NEK1: variants seen among roughly 807,000 people sequenced by gnomAD.
NEK1 encodes the protein serine/threonine-protein kinase Nek1.
In NEK1, 137 loss-of-function variants were observed where a neutral mutation model predicts 182.1. The observed-to-expected ratio is 0.75, with a 90% CI of 0.65 to 0.87. The LOEUF is 0.87. Ranked by LOEUF, NEK1 falls within the 40% of genes least tolerant of loss-of-function variation. NEK1 has a pLI of 0.00. For missense variants in NEK1, 1,391 were observed against 1,494.4 expected, an observed-to-expected ratio of 0.93 and a Z score of 1.14; for synonymous variants, 513 against 492.2, an observed-to-expected ratio of 1.04 and a Z score of -0.56.
intron 19 of NEK1, among the ~76,000 whole-genome samples, chr4:169,513,752 G>A (rs1305876666): frequency 6.6e-6 from 1 of 152,004 alleles, no homozygotes; most frequent in African/African-American, 2.4e-5. Context: ...CTAGTGTGCT[G>A]ACAGTTATTA....
rs80153976 is a variant in NEK1 at position 169,550,804 on chromosome 4, C to T, written c.1562+4916G>A. On this transcript the variant is annotated intron_variant, in intron 18 of 35. Transcript: ENST00000507142. ...CACATATTTTCTCCCTAAAGCACAT[C>T]GCTGCCTTTTGACATTTCAGCACTA... Among the ~76,000 whole-genome samples, 1,464 of 152,258 alleles carry T rather than the reference C, an allele frequency of 9.6e-3. 17 individuals are homozygous for T. The highest frequency in any genetic ancestry group is 0.033 in the African/African-American group (1,386 of 41,544).
At chr4:169,461,780 T>C (rs943726394) in intron 27 of NEK1, among the ~76,000 whole-genome samples, 2 of 152,184 alleles carry the variant, frequency 1.3e-5, no homozygotes, top group Non-Finnish European at 2.9e-5. Context: ...CTTTTTATTC[T>C]TGTCCTTTTC....
At chr4:169,439,440 G>T (rs759476386) in intron 27 of NEK1, among the ~76,000 whole-genome samples, 7 of 152,136 alleles carry the variant, frequency 4.6e-5, no homozygotes, top group Non-Finnish European at 1.0e-4. Context: ...CTATAGTGTT[G>T]CAAATGTTTC....
intron 23 of NEK1, among the ~76,000 whole-genome samples, chr4:169,493,208 G>GC (rs1750451938): frequency 1.3e-5 from 2 of 152,018 alleles, no homozygotes. Context: ...TGGAGCTTTG[G>GC]CCCCCTAAAA....
At chr4:169,500,245 G>A (rs1183616720) in intron 23 of NEK1, among the ~76,000 whole-genome samples, 1 of 152,164 alleles carries the variant, frequency 6.6e-6, no homozygotes, top group Non-Finnish European at 1.5e-5. Flanking sequence ...TAAGACCGTT[G>A]GAAAATCGCA....
At chr4:169,611,445 TA>T (rs1273759275) in intron 2 of NEK1, among the ~76,000 whole-genome samples, 2 of 152,092 alleles carry the variant, frequency 1.3e-5, no homozygotes, top group East Asian at 1.9e-4. Flanking sequence ...TGCTGCATCA[TA>T]AAAAAAGGTC....
chr4:169,457,450 A>G (rs1396798567), intron 27 of NEK1, among the ~76,000 whole-genome samples: 7 of 149,680 alleles, frequency 4.7e-5, no homozygotes, highest in African/African-American at 9.8e-5. Context: ...AAGACTGGAG[A>G]AAAAAAAACA....
chr4:169,512,424 T>A (rs1309199571), intron 19 of NEK1, among the ~76,000 whole-genome samples: 3 of 152,146 alleles, frequency 2.0e-5, no homozygotes, highest in Non-Finnish European at 2.9e-5. Context: ...GGTGAAATGT[T>A]TTGTATAAAT....
intron 31 of NEK1, among the ~76,000 whole-genome samples, chr4:169,417,858 G>A (rs973062322): frequency 6.6e-6 from 1 of 152,196 alleles, no homozygotes; most frequent in Non-Finnish European, 1.5e-5. Flanking sequence ...CTTTCTGCCT[G>A]GAGAAAATAT....
intron 5 of NEK1, among the ~76,000 whole-genome samples, chr4:169,595,185 TAAG>T (rs1769231664): frequency 6.6e-6 from 1 of 152,156 alleles, no homozygotes; most frequent in African/African-American, 2.4e-5. Context: ...TTTTTGTACA[TAAG>T]CTGACAAACA....
At chr4:169,545,455 G>C (rs1227056505) in intron 18 of NEK1, among the ~76,000 whole-genome samples, 1 of 149,810 alleles carries the variant, frequency 6.7e-6, no homozygotes, top group Non-Finnish European at 1.5e-5. Flanking sequence ...TATCATTGTT[G>C]GACATTTGGG....
chr4:169,470,670 G>C, intron 26 of NEK1, among the ~76,000 whole-genome samples: 1 of 152,210 alleles, frequency 6.6e-6, no homozygotes, highest in African/African-American at 2.4e-5. Flanking sequence ...GGTCTGCCTT[G>C]CTAGGTTGGG....
At position 169,555,847 on chromosome 4, in the gene NEK1, T is replaced by C. The variant is rs1355243259; in HGVS notation, c.1435A>G (p.Ile479Val). 5 of 1,613,812 alleles carry C rather than the reference T, an allele frequency of 3.1e-6. No homozygotes were observed. The highest frequency in any genetic ancestry group is 2.7e-5 in the African/African-American group (2 of 74,920). ...AATCCTGGACGAACTCCAGGCAGAA[T>C]TCCTCTGTAGATAAATATGCACAGT... ...IYGRGLPERG[I>V]LPGVRPGFPY... Residue 479 changes from isoleucine to valine, a missense_variant, in exon 18 of 36, where the codon ATT (isoleucine) becomes GTT (valine). Around this residue, in one of 5 missense-constraint regions of NEK1, gnomAD observed 1,216 missense variants for 1,277.6 expected, o/e 0.95. Coordinates refer to ENST00000507142, the MANE Select transcript of NEK1 (RefSeq NM_001199397.3).
intron 19 of NEK1, among the ~76,000 whole-genome samples, chr4:169,530,055 T>C (rs1043078710): frequency 1.3e-5 from 2 of 152,170 alleles, no homozygotes; most frequent in Non-Finnish European, 2.9e-5. Flanking sequence ...ATTTATCCTA[T>C]GGAAATAAAT....
intron 19 of NEK1, among the ~76,000 whole-genome samples, chr4:169,511,786 T>A (rs947316824): frequency 2.0e-5 from 3 of 152,122 alleles, no homozygotes; most frequent in African/African-American, 7.2e-5. Flanking sequence ...ACTACCTCCA[T>A]CCCTAACCCA....
chr4:169,592,505 C>T (rs1032408410), intron 5 of NEK1, among the ~76,000 whole-genome samples: 2 of 151,836 alleles, frequency 1.3e-5, no homozygotes, highest in Non-Finnish European at 2.9e-5. Flanking sequence ...ATATTCCATA[C>T]CTGAATCTAT....
At chr4:169,604,883 A>C (rs982882670) in intron 2 of NEK1, among the ~76,000 whole-genome samples, 2 of 152,244 alleles carry the variant, frequency 1.3e-5, no homozygotes, top group African/African-American at 2.4e-5. Flanking sequence ...TTTTAGCATC[A>C]GTGAGTTAAA....
intron 11 of NEK1, among the ~76,000 whole-genome samples, chr4:169,580,239 G>A (rs1314363152): frequency 6.6e-6 from 1 of 152,144 alleles, no homozygotes; most frequent in Non-Finnish European, 1.5e-5. Flanking sequence ...GCTCACGCCT[G>A]TAATCTCAGC....
intron 6 of NEK1, among the ~76,000 whole-genome samples, chr4:169,590,107 A>G (rs905633012): frequency 6.6e-6 from 1 of 152,174 alleles, no homozygotes; most frequent in Non-Finnish European, 1.5e-5. Context: ...CAGGAGTTCA[A>G]GATCAGCCTG....
Sources: allele counts gnomAD v4.1 joint callset (sites outside exome capture counted in the v4.1 genomes callset), GRCh38; gene constraint gnomAD v4.1.1; regional missense constraint gnomAD v4.1.1; transcripts MANE v1.5; gene names NCBI Gene and HGNC (gene_info 2026-07-23, HGNC 2026-07-21).